The following PALM2AKAP2 variants were observed in gnomAD, a reference collection of about 807,000 sequenced individuals.
The protein encoded by PALM2AKAP2 is PALM2-AKAP2 fusion protein.
In PALM2AKAP2, 37 loss-of-function variants were observed where a neutral mutation model predicts 71.5. The ratio of observed to expected loss-of-function variants is 0.52; its 90% CI spans 0.40 to 0.68. The LOEUF (loss-of-function observed/expected upper bound fraction) is 0.68. PALM2AKAP2 is among the 30% of genes least tolerant of loss of function. The probability of loss-of-function intolerance (pLI) is 0.00; values close to 1 mark genes in which losing one functional copy is unlikely to be tolerated. For synonymous variants in PALM2AKAP2, 468 were observed against 478.8 expected, an observed-to-expected ratio of 0.98 and a Z score of 0.29; for missense variants, 1,224 against 1,191.8, an observed-to-expected ratio of 1.03 and a Z score of -0.40.
chr9:109,890,266 G>T (rs898677904), intron 3 of PALM2AKAP2, among the ~76,000 whole-genome samples: 4 of 152,300 alleles, frequency 2.6e-5, no homozygotes, highest in African/African-American at 9.6e-5. Flanking sequence ...ATGATCTCTT[G>T]AGCACAATCC....
intron 6 of PALM2AKAP2, among the ~76,000 whole-genome samples, chr9:109,979,200 C>G (rs1002410207): frequency 6.6e-6 from 1 of 152,188 alleles, no homozygotes; most frequent in Non-Finnish European, 1.5e-5. Context: ...ACCATGTTGG[C>G]CAGGCTGGTC....
intron 6 of PALM2AKAP2, chr9:109,943,174 G>C (rs750364252): frequency 6.2e-7 from 1 of 1,614,212 alleles, no homozygotes; most frequent in East Asian, 2.2e-5. Flanking sequence ...GACGAAAAAG[G>C]TGCTAGGCTA....
At chr9:110,043,670 A>C (rs1833543291) in intron 7 of PALM2AKAP2, among the ~76,000 whole-genome samples, 1 of 150,386 alleles carries the variant, frequency 6.6e-6, no homozygotes, top group Admixed American at 6.6e-5. Context: ...TCACAAGTTC[A>C]AGGGTCATTT....
intron 2 of PALM2AKAP2, among the ~76,000 whole-genome samples, chr9:110,153,020 C>T (rs1340144738): frequency 2.0e-5 from 3 of 152,302 alleles, no homozygotes; most frequent in South Asian, 2.1e-4. Context: ...TTATCCAAAG[C>T]GACCATTCTC....
chr9:109,745,828 T>C (rs982673812), intron 1 of PALM2AKAP2, among the ~76,000 whole-genome samples: 2 of 152,172 alleles, frequency 1.3e-5, no homozygotes, highest in African/African-American at 4.8e-5. Flanking sequence ...ACCATGCAGC[T>C]TGGCTCTGGG....
At position 109,687,574 on chromosome 9, in the gene PALM2AKAP2, G is replaced by A. The variant is rs145134312; in HGVS notation, c.5+46708G>A. Among the ~76,000 whole-genome samples the A allele has an allele frequency of 1.2e-3, 180 of 152,336 alleles. 1 individual carries two copies. The highest frequency in any genetic ancestry group is 4.1e-3 in the African/African-American group (169 of 41,574). On this transcript the variant is annotated intron_variant, in intron 1 of 6. Coordinates refer to the PALM2AKAP2 transcript ENST00000374531. ...CTCGGCCTTCATAGAATTGAAGACA[G>A]TTAGAGCCTTGATCTGGATTAGGCT...
intron 1 of PALM2AKAP2, among the ~76,000 whole-genome samples, chr9:109,818,045 C>T (rs1323186779): frequency 6.6e-6 from 1 of 152,154 alleles, no homozygotes; most frequent in Non-Finnish European, 1.5e-5. Context: ...TGTCTGAGGA[C>T]ATAAGGGATG....
intron 2 of PALM2AKAP2, among the ~76,000 whole-genome samples, chr9:110,153,273 G>A (rs1020589329): frequency 6.6e-6 from 1 of 152,124 alleles, no homozygotes; most frequent in Non-Finnish European, 1.5e-5. Context: ...TCAACACTGG[G>A]TTTGGGCTCC....
At chr9:109,809,827 C>G (rs957323994) in intron 1 of PALM2AKAP2, among the ~76,000 whole-genome samples, 2 of 152,156 alleles carry the variant, frequency 1.3e-5, no homozygotes, top group Non-Finnish European at 2.9e-5. Context: ...TGTTGCTGTT[C>G]TCATTATAGT....
At chr9:109,697,349 A>C (rs1827987038) in intron 1 of PALM2AKAP2, among the ~76,000 whole-genome samples, 1 of 152,206 alleles carries the variant, frequency 6.6e-6, no homozygotes, top group Non-Finnish European at 1.5e-5. Flanking sequence ...TGTATAGAAT[A>C]TCTCTGCATA....
At chr9:110,043,343 T>C (rs1316274264) in intron 7 of PALM2AKAP2, among the ~76,000 whole-genome samples, 2 of 152,238 alleles carry the variant, frequency 1.3e-5, no homozygotes, top group African/African-American at 4.8e-5. Flanking sequence ...ATTTCTTGTT[T>C]ACTGACTCCT....
At chr9:110,135,299 C>CAAAAA (rs71373970) in intron 1 of PALM2AKAP2, among the ~76,000 whole-genome samples, 1 of 7,254 alleles carries the variant, frequency 1.4e-4, no homozygotes, top group Non-Finnish European at 2.4e-4. Context: ...AATCCCATCT[C>CAAAAA]AAAAAAAAAA....
At chr9:110,104,183 G>T (rs1835063188) in intron 1 of PALM2AKAP2, among the ~76,000 whole-genome samples, 1 of 144,180 alleles carries the variant, frequency 6.9e-6, no homozygotes, top group Non-Finnish European at 1.5e-5. Flanking sequence ...CTTTTTTTTG[G>T]GGGGGCGGGG....
intron 1 of PALM2AKAP2, among the ~76,000 whole-genome samples, chr9:110,073,429 G>C (rs1834251744): frequency 6.6e-6 from 1 of 152,108 alleles, no homozygotes; most frequent in Non-Finnish European, 1.5e-5. Context: ...GTTTTACATG[G>C]ACACTTGACA....
chr9:109,913,712 A>T (rs925307223), intron 3 of PALM2AKAP2, among the ~76,000 whole-genome samples: 5 of 152,084 alleles, frequency 3.3e-5, no homozygotes, highest in Non-Finnish European at 7.4e-5. Flanking sequence ...GATGCAAGGA[A>T]CAGAGACCCA....
intron 3 of PALM2AKAP2, among the ~76,000 whole-genome samples, chr9:109,883,955 A>G (rs1452839566): frequency 1.3e-5 from 2 of 152,240 alleles, no homozygotes; most frequent in Non-Finnish European, 2.9e-5. Flanking sequence ...CAGACTGCCC[A>G]CAAGCCATCT....
chr9:109,943,275 T>C (rs1003448677), intron 6 of PALM2AKAP2: 32 of 1,614,086 alleles, frequency 2.0e-5, no homozygotes, highest in Non-Finnish European at 2.6e-5. Flanking sequence ...TGTCCACTAT[T>C]GACGGGAACG....
chr9:110,023,331 T>TTTTTTTTTTTG (rs1833110292), intron 7 of PALM2AKAP2, among the ~76,000 whole-genome samples: 1 of 106,060 alleles, frequency 9.4e-6, no homozygotes, highest in African/African-American at 3.8e-5. Context: ...TTTTTTTTTT[T>TTTTTTTTTTTG]GAGATGGAGT....
intron 6 of PALM2AKAP2, among the ~76,000 whole-genome samples, chr9:109,968,096 G>T (rs1831991238): frequency 1.3e-5 from 2 of 152,222 alleles, no homozygotes; most frequent in East Asian, 3.8e-4. Flanking sequence ...AATGGTAAAG[G>T]ATTTAGGACT....
Sources: gnomAD v4.1 joint callset for allele counts (sites outside exome capture counted in the v4.1 genomes callset) on GRCh38, gnomAD v4.1.1 for gene constraint, MANE v1.5 for transcripts, NCBI Gene and HGNC (gene_info 2026-07-23, HGNC 2026-07-21) for gene names.